ERICH1: variants seen among roughly 807,000 people sequenced by gnomAD.
ERICH1 encodes the protein glutamate rich 1.
ERICH1 carries 56 observed loss-of-function variants against 39.6 expected under a neutral mutation model. The observed-to-expected ratio is 1.41, with a 90% CI of 1.14 to 1.77. The LOEUF is 1.77. Ranked by LOEUF, ERICH1 falls within the 40% of genes most tolerant of loss-of-function variation. The probability of loss-of-function intolerance (pLI) is 0.00; values close to 1 mark genes in which losing one functional copy is unlikely to be tolerated. For missense variants in ERICH1, 826 were observed against 575.4 expected (o/e 1.44, Z -4.45); for synonymous variants, 313 against 223.6 (o/e 1.40, Z -3.57).
At chr8:669,113 G>A (rs78647275) in intron 4 of ERICH1, 3 of 229,894 alleles carry the variant, frequency 1.3e-5, no homozygotes, top group South Asian at 6.9e-5. Context: ...CCCCTGGCCC[G>A]TCTACACGTC....
chr8:694,882 G>C (rs957069638), intron 2 of ERICH1, among the ~76,000 whole-genome samples: 1 of 152,096 alleles, frequency 6.6e-6, no homozygotes, highest in African/African-American at 2.4e-5. Flanking sequence ...CTCCTCCGCC[G>C]GACGCACAGA....
intron 1 of ERICH1, among the ~76,000 whole-genome samples, chr8:729,397 C>T (rs970834230): frequency 2.6e-5 from 4 of 152,168 alleles, no homozygotes; most frequent in Admixed American, 1.3e-4. Flanking sequence ...CCTCCTCCTG[C>T]GGCACCTTCC....
At chr8:731,086 G>C in intron 1 of ERICH1, 54 bp downstream of exon 1, 2 of 1,410,194 alleles carry the variant, frequency 1.4e-6, no homozygotes, top group Non-Finnish European at 1.9e-6. Context: ...ACCGCGGTCT[G>C]AGCCGAGAGC....
intron 1 of ERICH1, among the ~76,000 whole-genome samples, chr8:729,050 C>T (rs1285903364): frequency 6.6e-6 from 1 of 152,182 alleles, no homozygotes; most frequent in African/African-American, 2.4e-5. Context: ...TGTCAGCAAG[C>T]ACTGCCCTAA....
intron 3 of ERICH1, among the ~76,000 whole-genome samples, chr8:631,323 C>T (rs1234126356): frequency 6.6e-6 from 1 of 152,212 alleles, no homozygotes; most frequent in Non-Finnish European, 1.5e-5. Flanking sequence ...TTGGCTGTTC[C>T]AGACCCAGTG....
chr8:731,162 G>A lies in ERICH1; in HGVS notation c.-1C>T. 3 of 1,510,464 alleles carry A rather than the reference G, an allele frequency of 2.0e-6. No homozygotes were observed. Among genetic ancestry groups the A allele is most frequent in the Admixed American group, 4.1e-5 (2 of 48,720 alleles). 93.6% of individuals were successfully genotyped at this position (1,510,464 alleles called of 1,614,324 possible). A position where few individuals can be genotyped will look rare whatever the true frequency, so the allele number is the denominator to read the frequency against. ...TACCGTGCTTCCTGTGCGCCGCCAT[G>A]CGGGACCCTGCCGCGGACCTCAGAC... On this transcript the variant is annotated 5_prime_UTR_variant, in exon 1 of 6. Transcript: ENST00000262109.
At chr8:727,747 G>T (rs1472299779) in intron 1 of ERICH1, among the ~76,000 whole-genome samples, 1 of 152,202 alleles carries the variant, frequency 6.6e-6, no homozygotes, top group African/African-American at 2.4e-5. Context: ...GGCCAGCAAG[G>T]CCGGGCCAGC....
chr8:632,094 C>T (rs968148526), intron 3 of ERICH1, among the ~76,000 whole-genome samples: 5 of 152,158 alleles, frequency 3.3e-5, no homozygotes, highest in Admixed American at 3.3e-4. Flanking sequence ...GGCAGGGCTG[C>T]GAGTCCCACT....
At chr8:644,046 C>T (rs116298021) in intron 3 of ERICH1, among the ~76,000 whole-genome samples, 2,037 of 152,334 alleles carry the variant, frequency 0.013, 49 homozygotes, top group African/African-American at 0.047. Context: ...GGGCTTTCTC[C>T]AGCTGATCTT....
At chr8:667,290 T>A (rs1585136824) in intron 5 of ERICH1, 1 of 152,642 alleles carries the variant, frequency 6.6e-6, no homozygotes, top group African/African-American at 2.4e-5. Flanking sequence ...CTGTCACCTC[T>A]TCACCTTCTC....
chr8:614,868 G>T, exon 4 of ERICH1: 1 of 207,408 alleles, frequency 4.8e-6, no homozygotes, highest in East Asian at 1.1e-4. Flanking sequence ...AGTTGGATGG[G>T]AACAACCCAC....
chr8:658,566 G>A (rs570024509), intron 3 of ERICH1, among the ~76,000 whole-genome samples: 50 of 152,212 alleles, frequency 3.3e-4, no homozygotes, highest in African/African-American at 1.2e-3. Context: ...TGAACTATCC[G>A]CGGCCCACGT....
At chr8:683,395 G>A (rs147984206) in intron 3 of ERICH1, among the ~76,000 whole-genome samples, 1 of 152,220 alleles carries the variant, frequency 6.6e-6, no homozygotes, top group Non-Finnish European at 1.5e-5. Flanking sequence ...GACTGCCTGT[G>A]AGACGGGGAG....
At chr8:682,306 T>C (rs1243950045) in intron 3 of ERICH1, among the ~76,000 whole-genome samples, 1 of 152,190 alleles carries the variant, frequency 6.6e-6, no homozygotes, top group Non-Finnish European at 1.5e-5. Flanking sequence ...CCCTAAGGAA[T>C]ATTATCCAAA....
chr8:638,773 T>G (rs1798662621), intron 3 of ERICH1, among the ~76,000 whole-genome samples: 1 of 152,154 alleles, frequency 6.6e-6, no homozygotes, highest in South Asian at 2.1e-4. Context: ...CACCCTTTCG[T>G]TGCGTCAGCA....
At chr8:617,876 C>T (rs1797026012) in intron 3 of ERICH1, among the ~76,000 whole-genome samples, 7 of 149,976 alleles carry the variant, frequency 4.7e-5, no homozygotes, top group African/African-American at 1.5e-4. Context: ...TCCATCTGTT[C>T]TCACTGCCCT....
At chr8:706,447 T>A (rs1813288936) in intron 2 of ERICH1, among the ~76,000 whole-genome samples, 1 of 152,152 alleles carries the variant, frequency 6.6e-6, no homozygotes, top group Non-Finnish European at 1.5e-5. Context: ...GTAAAACTTT[T>A]CTACGTCCTG....
In ERICH1 at chr8:701,416, T is replaced by C. The variant is rs11786287; in HGVS notation, c.170-8804A>G. Among the ~76,000 whole-genome samples the C allele has an allele frequency of 1.1e-3, 162 of 150,986 alleles. 1 individual carries two copies. The highest frequency in any genetic ancestry group is 3.8e-3 in the African/African-American group (156 of 41,012). On this transcript the variant is annotated intron_variant, in intron 2 of 5. Coordinates refer to ENST00000262109, the MANE Select transcript of ERICH1 (RefSeq NM_207332.3). ...CTGCCCCGCCGGACGGGAGCACGCC[T>C]TACCCACGGGTGTGCCCTGCTGGAT...
At chr8:677,813 A>G (rs1805197130) in intron 3 of ERICH1, among the ~76,000 whole-genome samples, 1 of 152,164 alleles carries the variant, frequency 6.6e-6, no homozygotes. Flanking sequence ...AGGATGCGAC[A>G]GGTCACGGGG....
Sources: gnomAD v4.1 joint callset for allele counts (sites outside exome capture counted in the v4.1 genomes callset) on GRCh38, gnomAD v4.1.1 for gene constraint, MANE v1.5 for transcripts, NCBI Gene and HGNC (gene_info 2026-07-23, HGNC 2026-07-21) for gene names.